UGP2: variants seen among roughly 807,000 people sequenced by gnomAD.
The protein encoded by UGP2 is UTP--glucose-1-phosphate uridylyltransferase.
UGP2 carries 40 observed loss-of-function variants against 49.0 expected under a neutral mutation model. The ratio of observed to expected loss-of-function variants is 0.82; its 90% CI spans 0.63 to 1.06. UGP2 has a LOEUF of 1.06. Ranked by LOEUF, UGP2 falls within the 50% of genes least tolerant of loss-of-function variation. The pLI, the probability that UGP2 is intolerant of heterozygous loss-of-function variation, is 0.00. For missense variants in UGP2, 460 were observed against 603.5 expected (o/e 0.76, Z 2.49); for synonymous variants, 225 against 213.0 (o/e 1.06, Z -0.49).
intron 7 of UGP2, among the ~76,000 whole-genome samples, 168 bp downstream of exon 7, chr2:63,886,706 C>T (rs1173078500): frequency 1.3e-5 from 2 of 152,126 alleles, no homozygotes; most frequent in East Asian, 3.9e-4. Context: ...GCTGTCACCC[C>T]TCTAGTGTGC....
chr2:63,842,616 C>T, intron 1 of UGP2: 1 of 1,449,936 alleles, frequency 6.9e-7, no homozygotes, highest in African/African-American at 1.4e-5. Flanking sequence ...TTTGCCGGGA[C>T]TGTTGGGGAA....
At chr2:63,847,214 C>T (rs1018038697) in intron 1 of UGP2, among the ~76,000 whole-genome samples, 2 of 151,976 alleles carry the variant, frequency 1.3e-5, no homozygotes, top group Non-Finnish European at 2.9e-5. Context: ...TGAAAAATGA[C>T]CTTAAAAGGA....
intron 3 of UGP2, among the ~76,000 whole-genome samples, chr2:63,861,437 G>T (rs545557547): frequency 6.6e-6 from 1 of 151,916 alleles, no homozygotes; most frequent in South Asian, 2.1e-4. Context: ...CTGACCCCTG[G>T]TGGTGATGTA....
intron 3 of UGP2, among the ~76,000 whole-genome samples, chr2:63,881,372 C>T (rs1287250866): frequency 6.6e-6 from 1 of 151,566 alleles, no homozygotes; most frequent in East Asian, 1.9e-4. Context: ...CACACACACA[C>T]ACACACGTTC....
chr2:63,887,791 AC>A (rs1671792694), intron 8 of UGP2, 147 bp downstream of exon 8: 7 of 1,021,452 alleles, frequency 6.9e-6, no homozygotes, highest in Non-Finnish European at 8.4e-6. Context: ...AAGGGAATTG[AC>A]CATAGAAGAT....
At chr2:63,860,930 T>C (rs1353710097) in intron 3 of UGP2, among the ~76,000 whole-genome samples, 1 of 152,042 alleles carries the variant, frequency 6.6e-6, no homozygotes, top group African/African-American at 2.4e-5. Context: ...GGCATTGAAA[T>C]TTTATATTGT....
At chr2:63,857,803 T>C (rs1361576797) in intron 2 of UGP2, 26 bp from the exon 3 acceptor site, 4 of 1,588,668 alleles carry the variant, frequency 2.5e-6, no homozygotes, top group African/African-American at 1.3e-5. Context: ...TTCTGCTGGT[T>C]GTAACAATGA....
Position 63,856,491 on chromosome 2 carries a change from C to A in UGP2, c.147+58C>A, listed in dbSNP as rs1208500566. The A allele has an allele frequency of 1.6e-5, 23 of 1,415,216 alleles. No homozygotes were observed. The Admixed American group carries it at 4.7e-4, about 29-fold the overall frequency. 87.7% of individuals were successfully genotyped at this position (1,415,216 alleles called of 1,614,324 possible). On this transcript the variant is annotated intron_variant, in intron 2 of 9. Coordinates refer to ENST00000337130, the MANE Select transcript of UGP2 (RefSeq NM_006759.4). ...GCCCCTCCCTTCATCTGTCTTCATG[C>A]TGAGTTGCTGCCGGTGATGATGATA...
intron 9 of UGP2, among the ~76,000 whole-genome samples, chr2:63,890,883 G>A (rs1023929857): frequency 6.6e-6 from 1 of 152,146 alleles, no homozygotes; most frequent in African/African-American, 2.4e-5. Flanking sequence ...TCCACTTCCC[G>A]CTCTTAGTTC....
chr2:63,877,961 C>T (rs1026650834), intron 3 of UGP2, among the ~76,000 whole-genome samples: 1 of 125,804 alleles, frequency 7.9e-6, no homozygotes, highest in East Asian at 2.5e-4. Flanking sequence ...CCACTGCAGT[C>T]CGCAGTCCGG....
At chr2:63,842,543 C>T (rs924367439) in intron 1 of UGP2, 8 of 1,522,274 alleles carry the variant, frequency 5.3e-6, no homozygotes, top group African/African-American at 1.4e-5. Context: ...GTCAAGGTAC[C>T]TGTGCGTGCA....
At chr2:63,874,836 C>T (rs1021196735) in intron 3 of UGP2, among the ~76,000 whole-genome samples, 23 of 151,488 alleles carry the variant, frequency 1.5e-4, no homozygotes, top group Non-Finnish European at 2.9e-4. Flanking sequence ...CATGTGATCT[C>T]TACAAACCAG....
intron 2 of UGP2, chr2:63,856,926 T>G (rs1346414210): frequency 2.4e-6 from 1 of 413,346 alleles, no homozygotes; most frequent in East Asian, 7.1e-5. Context: ...CTTAATGTTT[T>G]GAAGCTAGCT....
chr2:63,887,742 C>A, intron 8 of UGP2, 98 bp downstream of exon 8: 1 of 1,445,720 alleles, frequency 6.9e-7, no homozygotes, highest in Admixed American at 2.0e-5. Flanking sequence ...CAGTCTCTAC[C>A]ACTGACCTGT....
rs1280589983 is a variant in UGP2, at chr2:63,885,792, A to G, written c.779A>G (p.Asp260Gly). ...SNIDNLGATV[D>G]LYILNHLMNP... ...ATAGATAATCTGGGTGCCACAGTGG[A>G]TCTGTATATTCTTAATCATCTAATG... The change falls in exon 6 of 10, where the codon GAT becomes GGT. Residue 260 changes from aspartate (D) to glycine (G), a missense_variant. Asp to Gly is a moderately conservative substitution (Grantham distance 94). Around this residue, in one of 2 missense-constraint regions of UGP2, gnomAD observed 317 missense variants for 473.0 expected, o/e 0.67. Transcript: ENST00000337130. The G allele has an allele frequency of 1.2e-6, 2 of 1,613,574 alleles. No individual in the cohort carries two copies. The highest frequency in any genetic ancestry group is 2.7e-5 in the African/African-American group (2 of 74,870).
At chr2:63,884,255 T>A in intron 5 of UGP2, 162 bp downstream of exon 5, 2 of 833,152 alleles carry the variant, frequency 2.4e-6, no homozygotes, top group Non-Finnish European at 3.6e-6. Context: ...ATGTGATTGT[T>A]ATAATCACTC....
chr2:63,880,082 G>T (rs1671186396), intron 3 of UGP2, among the ~76,000 whole-genome samples: 1 of 152,088 alleles, frequency 6.6e-6, no homozygotes. Flanking sequence ...GCTGACTCTT[G>T]TAAACTAATA....
intron 4 of UGP2, among the ~76,000 whole-genome samples, chr2:63,883,068 CATT>C (rs1252756301): frequency 6.6e-6 from 1 of 152,210 alleles, no homozygotes; most frequent in African/African-American, 2.4e-5. Flanking sequence ...AGGACAAAGT[CATT>C]AATCGTACAC....
At chr2:63,850,474 A>G (rs1668976821) in intron 1 of UGP2, among the ~76,000 whole-genome samples, 1 of 152,236 alleles carries the variant, frequency 6.6e-6, no homozygotes, top group African/African-American at 2.4e-5. Flanking sequence ...TTCTTAATTT[A>G]TCATTGAATG....
Sources: gnomAD v4.1 joint callset for allele counts (sites outside exome capture counted in the v4.1 genomes callset) on GRCh38, gnomAD v4.1.1 for gene constraint, gnomAD v4.1.1 regional missense constraint, MANE v1.5 for transcripts, NCBI Gene and HGNC (gene_info 2026-07-23, HGNC 2026-07-21) for gene names.